Variants in MYO10 observed in about 807,000 individuals in gnomAD.
The protein encoded by MYO10 is myosin X.
MYO10 carries 133 observed loss-of-function variants against 257.3 expected under a neutral mutation model. That is an observed-to-expected ratio of 0.52 (90% CI 0.45 to 0.60). The LOEUF (loss-of-function observed/expected upper bound fraction) is 0.60. Among genes scored for constraint, MYO10 ranks in the 20% least tolerant of loss-of-function variants. The pLI, the probability that MYO10 is intolerant of heterozygous loss-of-function variation, is 0.00. For missense variants in MYO10, 2,399 were observed against 2,635.7 expected (o/e 0.91, Z 1.97); for synonymous variants, 1,104 against 1,028.6 (o/e 1.07, Z -1.40).
chr5:16,718,619 G>A (rs544824908), intron 19 of MYO10, among the ~76,000 whole-genome samples: 20 of 151,958 alleles, frequency 1.3e-4, no homozygotes, highest in Admixed American at 2.0e-4. Context: ...CTAGCTCAAG[G>A]TTTGTAAACA....
intron 4 of MYO10, among the ~76,000 whole-genome samples, chr5:16,786,815 C>T (rs1741594043): frequency 6.6e-6 from 1 of 151,976 alleles, no homozygotes; most frequent in Non-Finnish European, 1.5e-5. Flanking sequence ...ATATTAGAAT[C>T]ACCTAATAGG....
chr5:16,736,514 C>T (rs1009141645), intron 19 of MYO10, among the ~76,000 whole-genome samples: 1 of 152,170 alleles, frequency 6.6e-6, no homozygotes, highest in African/African-American at 2.4e-5. Flanking sequence ...CTGGAAATCC[C>T]AGTCAAATGA....
chr5:16,825,746 G>C (rs993303623), intron 2 of MYO10, among the ~76,000 whole-genome samples: 3 of 152,216 alleles, frequency 2.0e-5, no homozygotes, highest in Non-Finnish European at 4.4e-5. Context: ...CTATTCAGGA[G>C]GCTGAGGCAT....
chr5:16,702,525 T>C lies in MYO10; in HGVS notation c.2556+18A>G. ...GAAGTAGAAACACAAGAGGCTAAGT[T>C]GTCACTGCACTCATTACCTGCTGGG... is the stretch of plus-strand genomic sequence containing the variant. On this transcript the variant is annotated intron_variant, in intron 24 of 40. Coordinates refer to ENST00000513610, the MANE Select transcript of MYO10 (RefSeq NM_012334.3). 1 of 1,586,318 alleles carries C rather than the reference T, an allele frequency of 6.3e-7. No homozygotes were observed. Among genetic ancestry groups the C allele is most frequent in the African/African-American group, 1.3e-5 (1 of 74,622 alleles).
At chr5:16,674,745 T>G (rs955944950) in intron 35 of MYO10, 108 bp downstream of exon 35, 1 of 1,280,864 alleles carries the variant, frequency 7.8e-7, no homozygotes, top group African/African-American at 1.5e-5. Context: ...GTCCCTGTCC[T>G]ACTAGAGGTG....
chr5:16,795,595 C>G (rs1400775988), intron 3 of MYO10, among the ~76,000 whole-genome samples: 1 of 151,820 alleles, frequency 6.6e-6, no homozygotes, highest in East Asian at 1.9e-4. Flanking sequence ...AGTGAGATTC[C>G]ATCTCAAAAA....
intron 4 of MYO10, among the ~76,000 whole-genome samples, chr5:16,789,866 G>C (rs1741701896): frequency 6.6e-6 from 1 of 152,172 alleles, no homozygotes; most frequent in Non-Finnish European, 1.5e-5. Context: ...AATAGCTAAA[G>C]TTTCTTCAGC....
Position 16,702,905 on chromosome 5 carries a change from C to T in MYO10, c.2510+20G>A. ...CAAAATGTATCCATTTGTTTCATCC[C>T]AGCAAGAAAGGTACTGTACCTTTCT... is the stretch of plus-strand genomic sequence containing the variant. On this transcript the variant is annotated intron_variant, in intron 23 of 40. Transcript: ENST00000513610. 8 of 1,541,916 alleles carry T rather than the reference C, an allele frequency of 5.2e-6. No individual in the cohort carries two copies. The highest frequency in any genetic ancestry group is 7.0e-6 in the Non-Finnish European group (8 of 1,139,318).
intron 33 of MYO10, among the ~76,000 whole-genome samples, chr5:16,677,536 C>T (rs1203661142): frequency 6.6e-6 from 1 of 151,398 alleles, no homozygotes; most frequent in African/African-American, 2.4e-5. Flanking sequence ...CTGCCTCAGC[C>T]TCCCGAGTAG....
rs1354761048 is a variant in MYO10, at chr5:16,666,549, G to A, written c.*143C>T. 13 of 638,246 alleles carry A rather than the reference G, an allele frequency of 2.0e-5. No individual in the cohort carries two copies. In the Admixed American group the frequency reaches 2.1e-4, roughly 10 times the overall value. 39.5% of individuals were successfully genotyped at this position (638,246 alleles called of 1,614,324 possible). A position where few individuals can be genotyped will look rare whatever the true frequency, so the allele number is the denominator to read the frequency against. The stretch of plus-strand genomic sequence containing the variant: ...GAAGGCGGCAGGCAAAAGGATCCTC[G>A]GAGACACCTCCCTCAGACCAGAAGC... On this transcript the variant is annotated 3_prime_UTR_variant, in exon 41 of 41. Transcript: ENST00000513610.
chr5:16,812,653 G>A (rs1742475567), intron 3 of MYO10, among the ~76,000 whole-genome samples: 1 of 152,150 alleles, frequency 6.6e-6, no homozygotes, highest in African/African-American at 2.4e-5. Flanking sequence ...TTAAAATGGA[G>A]CCAAGTTCGA....
In MYO10 at chr5:16,781,842, T is replaced by C. The variant is rs917954703; in HGVS notation, c.603-13A>G. On this transcript the variant is annotated splice_polypyrimidine_tract_variant and intron_variant, in intron 5 of 40. Coordinates refer to ENST00000513610, the MANE Select transcript of MYO10 (RefSeq NM_012334.3). ...TTCCATGATGGGGCTGTGAAGACAG[T>C]GAGGGCAGCAGACAGCATTAATAAG... The C allele has an allele frequency of 6.2e-7, 1 of 1,613,652 alleles. No individual in the cohort carries two copies. The highest frequency in any genetic ancestry group is 1.3e-5 in the African/African-American group (1 of 74,888).
chr5:16,851,050 G>A (rs1159928110), intron 2 of MYO10, among the ~76,000 whole-genome samples: 4 of 151,118 alleles, frequency 2.6e-5, no homozygotes, highest in South Asian at 2.1e-4. Context: ...TGATCCACCC[G>A]CTTTCAGGCT....
At chr5:16,805,958 C>T (rs1228949856) in intron 3 of MYO10, among the ~76,000 whole-genome samples, 1 of 152,062 alleles carries the variant, frequency 6.6e-6, no homozygotes, top group Non-Finnish European at 1.5e-5. Context: ...TTTCACACCC[C>T]CAAAAAATCA....
chr5:16,812,867 G>C (rs1390426692), intron 3 of MYO10, among the ~76,000 whole-genome samples: 4 of 151,876 alleles, frequency 2.6e-5, no homozygotes, highest in African/African-American at 7.3e-5. Flanking sequence ...CGGAGCCAAA[G>C]AGGAGGTTAG....
chr5:16,706,872 T>A (rs1738370084), intron 21 of MYO10, among the ~76,000 whole-genome samples: 1 of 152,192 alleles, frequency 6.6e-6, no homozygotes, highest in African/African-American at 2.4e-5. Context: ...TAGGGACCTG[T>A]CAGTTTCATT....
Position 16,871,607 on chromosome 5 carries a change from G to A in MYO10, c.120+6002C>T, listed in dbSNP as rs912627135. Among the ~76,000 whole-genome samples, 4 of 145,090 alleles carry A rather than the reference G, an allele frequency of 2.8e-5. 1 individual carries two copies. The highest frequency in any genetic ancestry group is 6.9e-5 in the Admixed American group (1 of 14,540). On this transcript the variant is annotated intron_variant, in intron 2 of 40. Coordinates refer to ENST00000513610, the MANE Select transcript of MYO10 (RefSeq NM_012334.3). ...GGGTAACTGAGCAAAATCCTGTCTC[G>A]AAAAAAAAAAAATCTATCCCTGGCC...
At chr5:16,717,690 CA>C (rs1415611861) in intron 19 of MYO10, among the ~76,000 whole-genome samples, 1 of 152,116 alleles carries the variant, frequency 6.6e-6, no homozygotes, top group Admixed American at 6.5e-5. Flanking sequence ...CCTTACTTCG[CA>C]TATCAACCTC....
At chr5:16,667,705 C>T (rs1410865613) in intron 40 of MYO10, among the ~76,000 whole-genome samples, 1 of 152,206 alleles carries the variant, frequency 6.6e-6, no homozygotes, top group Non-Finnish European at 1.5e-5. Context: ...GCAGGTGATT[C>T]CTCTCCACTC....
Sources: allele counts gnomAD v4.1 joint callset (sites outside exome capture counted in the v4.1 genomes callset), GRCh38; gene constraint gnomAD v4.1.1; transcripts MANE v1.5; gene names NCBI Gene and HGNC (gene_info 2026-07-23, HGNC 2026-07-21).